The following NACC2 variants were observed in gnomAD, a reference collection of about 807,000 sequenced individuals.
NACC2 encodes the protein nucleus accumbens-associated protein 2.
NACC2 carries 8 observed loss-of-function variants against 25.1 expected under a neutral mutation model. The ratio of observed to expected loss-of-function variants is 0.32; its 90% CI spans 0.19 to 0.57. The LOEUF (loss-of-function observed/expected upper bound fraction) is 0.57. Ranked by LOEUF, NACC2 falls within the 20% of genes least tolerant of loss-of-function variation. The pLI is 0.89. For missense variants in NACC2, 644 were observed against 650.2 expected (o/e 0.99, Z 0.10); for synonymous variants, 435 against 294.7 (o/e 1.48, Z -4.88).
intron 1 of NACC2, among the ~76,000 whole-genome samples, chr9:136,062,119 G>GGACAA (rs1554741068): frequency 4.1e-3 from 56 of 13,508 alleles, no homozygotes; most frequent in African/African-American, 6.2e-3. Context: ...GAGCGAGACA[G>GGACAA]GACAGGACAG....
intron 2 of NACC2, among the ~76,000 whole-genome samples, chr9:136,048,770 C>T (rs1478713782): frequency 6.6e-6 from 1 of 152,218 alleles, no homozygotes; most frequent in Non-Finnish European, 1.5e-5. Flanking sequence ...CCCCTCTGCC[C>T]CCAACCAGCA....
intron 1 of NACC2, among the ~76,000 whole-genome samples, chr9:136,079,933 G>A (rs1440729422): frequency 6.6e-6 from 1 of 152,208 alleles, no homozygotes; most frequent in African/African-American, 2.4e-5. Context: ...GAAAGCTTTT[G>A]GAGCTGTTCC....
At chr9:136,045,609 G>T (rs1840711397) in intron 2 of NACC2, among the ~76,000 whole-genome samples, 1 of 152,222 alleles carries the variant, frequency 6.6e-6, no homozygotes, top group Non-Finnish European at 1.5e-5. Flanking sequence ...CCCCTTCAGA[G>T]GACAGGAGAG....
At chr9:136,054,194 G>A (rs1050750615) in intron 1 of NACC2, among the ~76,000 whole-genome samples, 10 of 152,324 alleles carry the variant, frequency 6.6e-5, no homozygotes, top group Admixed American at 1.3e-4. Context: ...CCAGGTGGGC[G>A]TCTTAACGCC....
At chr9:136,040,416 A>C (rs1407556181) in intron 2 of NACC2, among the ~76,000 whole-genome samples, 3 of 152,208 alleles carry the variant, frequency 2.0e-5, no homozygotes, top group Non-Finnish European at 4.4e-5. Context: ...TAAACAATAT[A>C]ATTCACAAAC....
At chr9:136,014,885 G>A (rs1008748437) in intron 3 of NACC2, among the ~76,000 whole-genome samples, 3 of 152,178 alleles carry the variant, frequency 2.0e-5, no homozygotes, top group African/African-American at 4.8e-5. Context: ...CTGGGTGAGC[G>A]AGGGCATGGA....
rs955215078 is a variant in NACC2 at position 136,013,120 on chromosome 9, C to A, written c.1255+79G>T. Reference sequence around the variant, plus strand: ...CTGCAGGTGGCCGGGAGCACCCCCGCGGCCCACCCAGTCCTCCTCAGGCTG... The same window carrying A: ...CTGCAGGTGGCCGGGAGCACCCCCGAGGCCCACCCAGTCCTCCTCAGGCTG... On this transcript the variant is annotated intron_variant, in intron 5 of 5. Transcript: ENST00000277554. The surrounding 1 kb of genome is among the most constrained non-coding windows in gnomAD (Gnocchi z 6.6). The A allele has an allele frequency of 1.5e-5, 20 of 1,294,814 alleles. No individual in the cohort carries two copies. Among genetic ancestry groups the A allele is most frequent in the Non-Finnish European group, 2.1e-5 (19 of 919,662 alleles). 80.2% of individuals were successfully genotyped at this position (1,294,814 alleles called of 1,614,324 possible). A position where few individuals can be genotyped will look rare whatever the true frequency, so the allele number is the denominator to read the frequency against.
intron 2 of NACC2, among the ~76,000 whole-genome samples, chr9:136,030,122 G>A (rs954163728): frequency 1.3e-5 from 2 of 152,084 alleles, no homozygotes; most frequent in African/African-American, 4.8e-5. Context: ...TGAGCCACCC[G>A]CCTCAGCTTC....
chr9:136,064,791 G>C (rs1351029502), intron 1 of NACC2, among the ~76,000 whole-genome samples: 1 of 152,188 alleles, frequency 6.6e-6, no homozygotes, highest in Admixed American at 6.5e-5. Flanking sequence ...AGCGAAGTTA[G>C]AGCAGTCATA....
chr9:136,089,564 C>T (rs947453359), intron 1 of NACC2, among the ~76,000 whole-genome samples: 3 of 151,856 alleles, frequency 2.0e-5, no homozygotes, highest in African/African-American at 7.3e-5. Context: ...TGAACCCACC[C>T]TCGGGGTGCC....
At chr9:136,034,887 A>G (rs1223260599) in intron 2 of NACC2, among the ~76,000 whole-genome samples, 1 of 152,176 alleles carries the variant, frequency 6.6e-6, no homozygotes, top group Non-Finnish European at 1.5e-5. Context: ...TGAGGTCAGG[A>G]GTTTAGGATC....
intron 2 of NACC2, among the ~76,000 whole-genome samples, chr9:136,033,894 G>GGTGTGTGTGT (rs57460855): frequency 2.5e-4 from 34 of 137,028 alleles, no homozygotes; most frequent in East Asian, 1.7e-3. Context: ...AATTCCAGCA[G>GGTGTGTGTGT]GTGTGTGTGT....
Position 136,007,423 on chromosome 9 carries a change from GCA to G in NACC2, c.*4091_*4092del, listed in dbSNP as rs878962955. On this transcript the variant is annotated 3_prime_UTR_variant, in exon 6 of 6. Transcript: ENST00000277554. The stretch of plus-strand genomic sequence containing the variant: ...CACGCACGTGCACACAGACGCGCGT[GCA>G]CACATACACACAGACGCGCACACAC... The G allele has an allele frequency of 4.8e-4, 65 of 135,068 alleles. No individual in the cohort carries two copies. Among genetic ancestry groups the G allele is most frequent in the Middle Eastern group, 1.6e-3 (3 of 1,908 alleles). 8.4% of individuals were successfully genotyped at this position (135,068 alleles called of 1,614,324 possible).
chr9:136,071,495 A>T (rs1841150988), intron 1 of NACC2, among the ~76,000 whole-genome samples: 1 of 147,342 alleles, frequency 6.8e-6, no homozygotes, highest in African/African-American at 2.5e-5. Context: ...CTGAGCTGAA[A>T]CCATGCCAAT....
intron 2 of NACC2, among the ~76,000 whole-genome samples, chr9:136,029,473 T>C (rs1460857764): frequency 1.3e-5 from 2 of 152,194 alleles, no homozygotes; most frequent in African/African-American, 4.8e-5. Flanking sequence ...ACCTGCCAAA[T>C]GGCAGGATTA....
Position 136,011,858 on chromosome 9 carries a change from G to A in NACC2, c.1422C>T (p.Ala474=), listed in dbSNP as rs1469912071. ...EMYRTVMGSA[A]ASVPLDPEFP... Reference sequence around the variant, plus strand: ...ACTCGGGGTCGAGGGGCACGCTGGCGGCGGCGGAGCCCATGACCGTGCGGT... The same window carrying A: ...ACTCGGGGTCGAGGGGCACGCTGGCAGCGGCGGAGCCCATGACCGTGCGGT... Residue 474 remains alanine, a synonymous_variant, in exon 6 of 6, where the codon GCC becomes GCT. Coordinates refer to ENST00000277554, the MANE Select transcript of NACC2 (RefSeq NM_144653.5). The A allele has an allele frequency of 7.0e-6, 11 of 1,563,272 alleles. No homozygotes were observed. The highest frequency in any genetic ancestry group is 4.8e-5 in the East Asian group (2 of 41,826).
rs1180311498 is a variant in NACC2, at chr9:136,007,351, AC to A, written c.*4164del. The A allele has an allele frequency of 6.6e-6, 1 of 152,170 alleles. No homozygotes were observed. The highest frequency in any genetic ancestry group is 1.5e-5 in the Non-Finnish European group (1 of 66,546). 9.4% of individuals were successfully genotyped at this position (152,170 alleles called of 1,614,324 possible). On this transcript the variant is annotated 3_prime_UTR_variant, in exon 6 of 6. Transcript: ENST00000277554. ...GGTGGTGACGTGCACGCGCGTGCAC[AC>A]ACACAGACACACGCGTGCACACATA...
intron 1 of NACC2, among the ~76,000 whole-genome samples, chr9:136,092,362 C>T (rs1002879403): frequency 5.3e-5 from 8 of 152,196 alleles, no homozygotes; most frequent in African/African-American, 1.9e-4. Flanking sequence ...CCTCATCAGC[C>T]CCCAGTGAGA....
Position 136,011,785 on chromosome 9 carries a change from G to A in NACC2, c.1495C>T (p.Arg499Trp). 1.9e-6 allele frequency: 3 copies of A among 1,552,394 alleles called. No homozygotes were observed. The highest frequency in any genetic ancestry group is 2.6e-6 in the Non-Finnish European group (3 of 1,148,772). The change falls in exon 6 of 6, where the codon CGG (arginine) becomes TGG (tryptophan). Residue 499 changes from arginine to tryptophan, a missense_variant. Arg to Trp is a moderately radical substitution (Grantham distance 101). Transcript: ENST00000277554. ...QVFEQRIYAE[R>W]RGDAATIVAL... ...ACGATGGTGGCGGCGTCGCCCCGCC[G>A]CTCGGCGTAGATGCGTTGCTCGAAC...
Sources: allele counts gnomAD v4.1 joint callset (sites outside exome capture counted in the v4.1 genomes callset), GRCh38; gene constraint gnomAD v4.1.1; non-coding constraint Gnocchi (gnomAD v3.1); transcripts MANE v1.5; gene names NCBI Gene and HGNC (gene_info 2026-07-23, HGNC 2026-07-21).